The following MECOM variants were observed in gnomAD, a reference collection of about 807,000 sequenced individuals.
The protein encoded by MECOM is MDS1 and EVI1 complex locus, also known as histone-lysine N-methyltransferase MECOM.
MECOM carries 13 observed loss-of-function variants against 116.3 expected under a neutral mutation model. That is an observed-to-expected ratio of 0.11 (90% CI 0.07 to 0.18). The LOEUF is 0.18. Ranked by LOEUF, MECOM falls within the 10% of genes least tolerant of loss-of-function variation. The probability of loss-of-function intolerance (pLI) is 1.00; values close to 1 mark genes in which losing one functional copy is unlikely to be tolerated. For missense variants in MECOM, 1,299 were observed against 1,509.0 expected, an observed-to-expected ratio of 0.86 and a Z score of 2.31; for synonymous variants, 528 against 535.2, an observed-to-expected ratio of 0.99 and a Z score of 0.19.
At chr3:169,576,836 C>CAGAGAG (rs1413097407) in intron 1 of MECOM, among the ~76,000 whole-genome samples, 24 of 113,402 alleles carry the variant, frequency 2.1e-4, no homozygotes, top group South Asian at 6.3e-4. Context: ...CACACACACA[C>CAGAGAG]ACAGAGAGAG....
chr3:169,305,369 C>A (rs1201329662), intron 2 of MECOM, among the ~76,000 whole-genome samples: 2 of 152,022 alleles, frequency 1.3e-5, no homozygotes, highest in East Asian at 3.9e-4. Flanking sequence ...ATGTGCATCT[C>A]AATTACGAGA....
intron 1 of MECOM, among the ~76,000 whole-genome samples, chr3:169,436,245 CTTTTT>C (rs11349670): frequency 3.2e-5 from 3 of 93,650 alleles, no homozygotes; most frequent in Non-Finnish European, 4.1e-5. Flanking sequence ...GGCTAAATCG[CTTTTT>C]TTTTTTTTTT....
At chr3:169,511,992 A>C (rs569263439) in intron 1 of MECOM, among the ~76,000 whole-genome samples, 1 of 152,122 alleles carries the variant, frequency 6.6e-6, no homozygotes, top group Non-Finnish European at 1.5e-5. Context: ...TGAAATTCCC[A>C]TAGGGCACAC....
intron 2 of MECOM, among the ~76,000 whole-genome samples, chr3:169,214,937 T>C (rs1751235966): frequency 2.0e-5 from 3 of 148,620 alleles, no homozygotes; most frequent in African/African-American, 7.3e-5. Flanking sequence ...TACACACATA[T>C]ATATAATGTG....
intron 2 of MECOM, among the ~76,000 whole-genome samples, chr3:169,270,399 C>A (rs149590657): frequency 7.3e-4 from 111 of 151,886 alleles, no homozygotes; most frequent in Middle Eastern, 3.5e-3. Context: ...ATCTATCTAT[C>A]TATATATACT....
rs144977068 is a variant in MECOM, at chr3:169,203,158, C to A, written c.376-59326G>T. Among the ~76,000 whole-genome samples, 236 of 152,280 alleles carry A rather than the reference C, an allele frequency of 1.5e-3. 2 individuals are homozygous for A. The highest frequency in any genetic ancestry group is 5.3e-3 in the African/African-American group (222 of 41,564). On this transcript the variant is annotated intron_variant, in intron 2 of 16. Transcript: ENST00000651503. ...CATTGATTAAAACTACAGTTTAGAA[C>A]TGTCCGTGGTTTACACTGCCCACTT...
intron 1 of MECOM, among the ~76,000 whole-genome samples, chr3:169,657,016 A>G (rs1775619905): frequency 6.6e-6 from 1 of 152,210 alleles, no homozygotes; most frequent in Non-Finnish European, 1.5e-5. Context: ...ACTCCTTCCA[A>G]CTTACAAGGA....
At chr3:169,328,942 TAGA>T (rs1310265319) in intron 2 of MECOM, among the ~76,000 whole-genome samples, 1 of 152,220 alleles carries the variant, frequency 6.6e-6, no homozygotes, top group Non-Finnish European at 1.5e-5. Context: ...TACCTGACTT[TAGA>T]AGAAGATCCT....
intron 3 of MECOM, among the ~76,000 whole-genome samples, chr3:169,135,315 G>C (rs73167955): frequency 0.062 from 9,452 of 151,962 alleles, 436 homozygotes; most frequent in South Asian, 0.2. Flanking sequence ...CTGAAATTTT[G>C]TAATGAATAT....
chr3:169,147,065 C>T, intron 2 of MECOM: 2 of 989,858 alleles, frequency 2.0e-6, no homozygotes, highest in Non-Finnish European at 2.4e-6. Context: ...GGCTTTTTCC[C>T]CCTTCCTAAA....
At chr3:169,119,682 A>G (rs1337841745) in intron 7 of MECOM, among the ~76,000 whole-genome samples, 1 of 152,180 alleles carries the variant, frequency 6.6e-6, no homozygotes, top group Non-Finnish European at 1.5e-5. Context: ...AAATAAATGA[A>G]CTATTTAATA....
chr3:169,459,604 T>C (rs951893594), intron 1 of MECOM, among the ~76,000 whole-genome samples: 15 of 152,244 alleles, frequency 9.9e-5, no homozygotes, highest in Non-Finnish European at 4.4e-5. Flanking sequence ...AGATTCATTT[T>C]AATTTAAATG....
intron 2 of MECOM, chr3:169,144,885 G>T: frequency 2.6e-6 from 2 of 778,496 alleles, no homozygotes; most frequent in Non-Finnish European, 4.4e-6. Flanking sequence ...GATCTCTGCT[G>T]TATGCATAAC....
intron 1 of MECOM, among the ~76,000 whole-genome samples, chr3:169,650,313 G>T (rs1263969827): frequency 6.6e-6 from 1 of 152,158 alleles, no homozygotes; most frequent in African/African-American, 2.4e-5. Context: ...AAAAGTTTTG[G>T]TGGGTCTAGT....
intron 1 of MECOM, among the ~76,000 whole-genome samples, chr3:169,398,945 T>C (rs911454765): frequency 2.6e-5 from 4 of 152,178 alleles, no homozygotes; most frequent in Middle Eastern, 3.2e-3. Flanking sequence ...CCCATTTAGG[T>C]GTCATCTCAT....
chr3:169,637,908 C>T (rs1773011197), intron 1 of MECOM, among the ~76,000 whole-genome samples: 1 of 152,062 alleles, frequency 6.6e-6, no homozygotes, highest in African/African-American at 2.4e-5. Flanking sequence ...AACCTTTGAG[C>T]AAGCAATCCA....
chr3:169,445,303 G>GT (rs1243894043), intron 1 of MECOM, among the ~76,000 whole-genome samples: 1 of 152,216 alleles, frequency 6.6e-6, no homozygotes, highest in Non-Finnish European at 1.5e-5. Context: ...TCCCCATGCT[G>GT]TTTGTAGTCT....
Position 169,148,307 on chromosome 3 carries a change from T to C in MECOM, c.376-4475A>G, listed in dbSNP as rs1740506781. ...GACGACTCAGATTATTTTTGAACGTTTAACATCATAAATGCTGCTTTTAGT... is the reference window on the plus strand; with the variant it reads ...GACGACTCAGATTATTTTTGAACGTCTAACATCATAAATGCTGCTTTTAGT... On this transcript the variant is annotated intron_variant, in intron 2 of 16. Transcript: ENST00000651503. Among the ~76,000 whole-genome samples, 3 of 152,206 alleles carry C rather than the reference T, an allele frequency of 2.0e-5. No individual in the cohort carries two copies. The South Asian group carries it at 6.2e-4, about 31-fold the overall frequency.
At chr3:169,644,256 A>G (rs1773870963) in intron 1 of MECOM, among the ~76,000 whole-genome samples, 2 of 150,768 alleles carry the variant, frequency 1.3e-5, no homozygotes, top group African/African-American at 4.9e-5. Flanking sequence ...TTATTTATTT[A>G]TTTATTTATT....
Sources: gnomAD v4.1 joint callset for allele counts (sites outside exome capture counted in the v4.1 genomes callset) on GRCh38, gnomAD v4.1.1 for gene constraint, MANE v1.5 for transcripts, NCBI Gene and HGNC (gene_info 2026-07-23, HGNC 2026-07-21) for gene names.